Variants in CAST observed in about 807,000 individuals in gnomAD.
CAST encodes the protein MIR583 host.
A neutral mutation model predicts 119.6 loss-of-function variants in CAST; 76 were observed. That is an observed-to-expected ratio of 0.64 (90% CI 0.53 to 0.77). The LOEUF (loss-of-function observed/expected upper bound fraction) is 0.77. Among genes scored for constraint, CAST ranks in the 30% least tolerant of loss-of-function variants. The pLI, the probability that CAST is intolerant of heterozygous loss-of-function variation, is 0.00. For synonymous variants in CAST, 319 were observed against 331.6 expected (o/e 0.96, Z 0.41); for missense variants, 953 against 946.5 (o/e 1.01, Z -0.09).
chr5:96,323,264 GT>G, the CAST span, among the ~76,000 whole-genome samples: 1 of 152,190 alleles, frequency 6.6e-6, no homozygotes, highest in Admixed American at 6.5e-5. Flanking sequence ...TTTCAAAGAT[GT>G]TTTTACCTAA....
chr5:96,400,024 A>G, the CAST span: 2 of 1,614,194 alleles, frequency 1.2e-6, no homozygotes, highest in Non-Finnish European at 1.7e-6. Flanking sequence ...TCCTGGGGTC[A>G]GCTAAATCCA....
At chr5:96,432,268 C>T in the CAST span, 1 of 725,230 alleles carries the variant, frequency 1.4e-6, no homozygotes, top group South Asian at 1.8e-5. Context: ...CATTTCTCCC[C>T]CCAGCTTCCC....
At chr5:96,497,542 T>C in the CAST span, among the ~76,000 whole-genome samples, 1 of 152,056 alleles carries the variant, frequency 6.6e-6, no homozygotes, top group South Asian at 2.1e-4. Context: ...GACTTTTTAA[T>C]GATTGCCATT....
At chr5:96,715,997 C>T (rs1032414842) in intron 3 of CAST, among the ~76,000 whole-genome samples, 2 of 152,156 alleles carry the variant, frequency 1.3e-5, no homozygotes, top group Non-Finnish European at 2.9e-5. Context: ...GACTCTATTG[C>T]AGGTCTCTTT....
upstream of CAST, among the ~76,000 whole-genome samples, chr5:96,524,499 C>A (rs554260672): frequency 6.6e-6 from 1 of 152,298 alleles, no homozygotes; most frequent in South Asian, 2.1e-4. Flanking sequence ...GGCCACCATG[C>A]TCATGCTTGG....
At chr5:96,501,364 TA>T in the CAST span, among the ~76,000 whole-genome samples, 1 of 152,040 alleles carries the variant, frequency 6.6e-6, no homozygotes, top group African/African-American at 2.4e-5. Context: ...ACCTAAAAAA[TA>T]AAACAGGCAT....
chr5:96,753,948 G>T, intron 20 of CAST, 112 bp from the exon 21 acceptor site: 1 of 664,550 alleles, frequency 1.5e-6, no homozygotes, highest in South Asian at 1.9e-5. Context: ...GTTATTAAAA[G>T]ATAGCGTGTG....
chr5:96,204,853 C>T, the CAST span, among the ~76,000 whole-genome samples: 4 of 152,046 alleles, frequency 2.6e-5, no homozygotes, highest in Admixed American at 1.3e-4. Flanking sequence ...TTCAGGGCTA[C>T]ACATAATTTG....
At chr5:96,554,021 C>G (rs1407103030) in intron 1 of CAST, among the ~76,000 whole-genome samples, 2 of 152,186 alleles carry the variant, frequency 1.3e-5, no homozygotes, top group Non-Finnish European at 2.9e-5. Flanking sequence ...ATCAAGCTAC[C>G]ACTCACTTTC....
chr5:96,378,633 C>T, the CAST span, among the ~76,000 whole-genome samples: 4 of 152,086 alleles, frequency 2.6e-5, no homozygotes, highest in East Asian at 7.7e-4. Flanking sequence ...CTAAAGATAT[C>T]CTTTAAAAGT....
chr5:96,432,269 C>A, the CAST span: 1 of 725,440 alleles, frequency 1.4e-6, no homozygotes, highest in Non-Finnish European at 2.3e-6. Flanking sequence ...ATTTCTCCCC[C>A]CAGCTTCCCA....
At chr5:96,645,124 G>A (rs1052232992) in intron 1 of CAST, among the ~76,000 whole-genome samples, 4 of 152,118 alleles carry the variant, frequency 2.6e-5, no homozygotes, top group African/African-American at 9.7e-5. Context: ...TCTGGGGCCT[G>A]TGACAGTTTT....
the CAST span, among the ~76,000 whole-genome samples, chr5:95,987,024 A>G: frequency 1.3e-5 from 2 of 152,088 alleles, no homozygotes; most frequent in South Asian, 2.1e-4. Context: ...AGAAATAGTG[A>G]AGTACTGCAC....
chr5:96,547,329 C>A (rs1746037019), intron 1 of CAST, among the ~76,000 whole-genome samples: 1 of 152,148 alleles, frequency 6.6e-6, no homozygotes, highest in Admixed American at 6.5e-5. Flanking sequence ...GTATAACTCC[C>A]AGTTCCAGGC....
At chr5:96,056,302 A>T in the CAST span, among the ~76,000 whole-genome samples, 1 of 152,180 alleles carries the variant, frequency 6.6e-6, no homozygotes, top group African/African-American at 2.4e-5. Flanking sequence ...TTGTACAGCC[A>T]CAAAAAAGAT....
upstream of CAST, among the ~76,000 whole-genome samples, chr5:96,523,083 G>A (rs1580809630): frequency 6.6e-6 from 1 of 152,256 alleles, no homozygotes; most frequent in Non-Finnish European, 1.5e-5. Context: ...TGGTCAAAGG[G>A]CAGCTATGCC....
the CAST span, among the ~76,000 whole-genome samples, chr5:96,169,295 G>C: frequency 6.6e-6 from 1 of 152,202 alleles, no homozygotes; most frequent in Non-Finnish European, 1.5e-5. Context: ...AGCCTGATGG[G>C]TGTCAGGGTC....
chr5:96,132,982 C>A, the CAST span, among the ~76,000 whole-genome samples: 1 of 152,044 alleles, frequency 6.6e-6, no homozygotes, highest in Non-Finnish European at 1.5e-5. Flanking sequence ...CAGATTAGAG[C>A]TTCAGAAATA....
At chr5:96,616,443 A>G (rs1747456629) in intron 1 of CAST, among the ~76,000 whole-genome samples, 1 of 152,204 alleles carries the variant, frequency 6.6e-6, no homozygotes, top group African/African-American at 2.4e-5. Context: ...GAAGTCAGGA[A>G]TTCCAGCCTC....
Sources: allele counts gnomAD v4.1 joint callset (sites outside exome capture counted in the v4.1 genomes callset), GRCh38; gene constraint gnomAD v4.1.1; transcripts MANE v1.5; gene names NCBI Gene and HGNC (gene_info 2026-07-23, HGNC 2026-07-21).